The following SPIDR variants were observed in gnomAD, a reference collection of about 807,000 sequenced individuals.
The protein encoded by SPIDR is DNA repair-scaffolding protein.
A neutral mutation model predicts 104.6 loss-of-function variants in SPIDR; 93 were observed. The ratio of observed to expected loss-of-function variants is 0.89; its 90% CI spans 0.75 to 1.06. SPIDR has a LOEUF of 1.06. Ranked by LOEUF, SPIDR falls within the 50% of genes least tolerant of loss-of-function variation. The probability of loss-of-function intolerance (pLI) is 0.00; values close to 1 mark genes in which losing one functional copy is unlikely to be tolerated. For synonymous variants in SPIDR, 431 were observed against 416.9 expected (o/e 1.03, Z -0.41); for missense variants, 1,154 against 1,111.2 (o/e 1.04, Z -0.55).
chr8:47,345,479 C>CT (rs1332422388), intron 5 of SPIDR, among the ~76,000 whole-genome samples: 1 of 151,974 alleles, frequency 6.6e-6, no homozygotes, highest in Non-Finnish European at 1.5e-5. Flanking sequence ...CGCTAAAACA[C>CT]TTTTTTTCAA....
rs141977045 is a variant in SPIDR at position 47,424,179 on chromosome 8, C to T, written c.878-16144C>T. Among the ~76,000 whole-genome samples, 83 of 152,282 alleles carry T rather than the reference C, an allele frequency of 5.5e-4. 1 individual carries two copies. In the East Asian group the frequency reaches 0.016, roughly 29 times the overall value. ...GGGCAGGTCTGGGCAGAACTGAGTTCAGGAGATGTGAGTGCAGCAGTGGTT... is the reference window on the plus strand; with the variant it reads ...GGGCAGGTCTGGGCAGAACTGAGTTTAGGAGATGTGAGTGCAGCAGTGGTT... On this transcript the variant is annotated intron_variant, in intron 7 of 19. Coordinates refer to ENST00000297423, the MANE Select transcript of SPIDR (RefSeq NM_001080394.4).
At chr8:47,361,007 A>T in intron 5 of SPIDR, 4 of 973,170 alleles carry the variant, frequency 4.1e-6, no homozygotes, top group Non-Finnish European at 4.9e-6. Context: ...TTTTAATATT[A>T]AAAATAAATA....
At chr8:47,335,635 A>C (rs1587205505) in intron 5 of SPIDR, among the ~76,000 whole-genome samples, 1 of 151,996 alleles carries the variant, frequency 6.6e-6, no homozygotes, top group Admixed American at 6.6e-5. Flanking sequence ...ATTTTTAGTA[A>C]AGACGGGGTT....
At chr8:47,688,522 A>G (rs1267691323) in intron 11 of SPIDR, 1 of 152,262 alleles carries the variant, frequency 6.6e-6, no homozygotes, top group Non-Finnish European at 1.5e-5. Flanking sequence ...GAAACAACAT[A>G]GTTTTAAACC....
intron 5 of SPIDR, among the ~76,000 whole-genome samples, chr8:47,312,308 A>G (rs1229913315): frequency 1.5e-4 from 23 of 152,168 alleles, no homozygotes; most frequent in Non-Finnish European, 2.5e-4. Context: ...GACTTCCACA[A>G]TGGTTGAACT....
intron 10 of SPIDR, among the ~76,000 whole-genome samples, chr8:47,652,147 A>C (rs1026072457): frequency 6.6e-6 from 1 of 152,248 alleles, no homozygotes; most frequent in Non-Finnish European, 1.5e-5. Flanking sequence ...CAGAAATTAA[A>C]TAAAAACTTT....
At chr8:47,449,762 A>G (rs1323879282) in intron 8 of SPIDR, among the ~76,000 whole-genome samples, 1 of 152,230 alleles carries the variant, frequency 6.6e-6, no homozygotes, top group Non-Finnish European at 1.5e-5. Flanking sequence ...GAAGGCAGTC[A>G]TTTATTCTAC....
intron 8 of SPIDR, among the ~76,000 whole-genome samples, chr8:47,443,775 T>C (rs1422394835): frequency 6.6e-6 from 1 of 151,956 alleles, no homozygotes; most frequent in African/African-American, 2.4e-5. Flanking sequence ...GCACAGTTTT[T>C]TAAAAGAATC....
At chr8:47,363,499 TTA>T (rs1491270948) in intron 5 of SPIDR, among the ~76,000 whole-genome samples, 19 of 101,476 alleles carry the variant, frequency 1.9e-4, no homozygotes, top group African/African-American at 4.3e-4. Context: ...CCAACCTTTT[TTA>T]AAAAAAAAAA....
chr8:47,324,597 C>G (rs1554599200), intron 5 of SPIDR, among the ~76,000 whole-genome samples: 1 of 152,078 alleles, frequency 6.6e-6, no homozygotes, highest in Non-Finnish European at 1.5e-5. Context: ...ACCTATATTA[C>G]TAATAATATT....
At chr8:47,596,553 G>A (rs1352178096) in intron 9 of SPIDR, among the ~76,000 whole-genome samples, 1 of 152,190 alleles carries the variant, frequency 6.6e-6, no homozygotes, top group Non-Finnish European at 1.5e-5. Context: ...CCGTAGAACT[G>A]GAAGTTGCTC....
chr8:47,684,126 CAAAAAAAAA>C (rs748328609), intron 11 of SPIDR, among the ~76,000 whole-genome samples: 4 of 38,148 alleles, frequency 1.0e-4, no homozygotes, highest in African/African-American at 3.2e-4. Context: ...GACTCTGTCT[CAAAAAAAAA>C]AAAAAAAAAA....
intron 7 of SPIDR, among the ~76,000 whole-genome samples, chr8:47,434,833 CTTGAG>C (rs2067992493): frequency 6.6e-6 from 1 of 152,164 alleles, no homozygotes; most frequent in African/African-American, 2.4e-5. Flanking sequence ...CTTAGGAAGA[CTTGAG>C]TTGACGTGAG....
At chr8:47,504,510 A>G (rs985408344) in intron 8 of SPIDR, among the ~76,000 whole-genome samples, 3 of 151,998 alleles carry the variant, frequency 2.0e-5, no homozygotes, top group Admixed American at 1.3e-4. Flanking sequence ...ACTTCTCTGC[A>G]TTGGTTATTC....
chr8:47,309,889 A>T (rs1452465187), intron 5 of SPIDR, among the ~76,000 whole-genome samples: 1 of 151,732 alleles, frequency 6.6e-6, no homozygotes, highest in African/African-American at 2.4e-5. Flanking sequence ...ACCAAAAAAA[A>T]TTAGCCGGAC....
At chr8:47,463,992 A>G (rs886541471) in intron 8 of SPIDR, among the ~76,000 whole-genome samples, 3 of 152,178 alleles carry the variant, frequency 2.0e-5, no homozygotes, top group African/African-American at 4.8e-5. Context: ...AGATAGTATT[A>G]GAAGTTCTGA....
At chr8:47,483,703 T>C (rs1459523800) in intron 8 of SPIDR, among the ~76,000 whole-genome samples, 1 of 152,196 alleles carries the variant, frequency 6.6e-6, no homozygotes, top group East Asian at 1.9e-4. Context: ...AAGATCCCTT[T>C]ATATTTGATT....
chr8:47,699,680 G>A (rs568245214), intron 11 of SPIDR, among the ~76,000 whole-genome samples: 16 of 152,162 alleles, frequency 1.1e-4, no homozygotes, highest in African/African-American at 2.2e-4. Flanking sequence ...TCAACCTCCC[G>A]AGTAGCTGGG....
chr8:47,611,399 GT>G (rs2063582529), intron 10 of SPIDR, among the ~76,000 whole-genome samples: 2 of 152,178 alleles, frequency 1.3e-5, no homozygotes, highest in South Asian at 4.2e-4. Context: ...GGGTGAAGAT[GT>G]TTATAAAGAA....
Sources: gnomAD v4.1 joint callset for allele counts (sites outside exome capture counted in the v4.1 genomes callset) on GRCh38, gnomAD v4.1.1 for gene constraint, MANE v1.5 for transcripts, NCBI Gene and HGNC (gene_info 2026-07-23, HGNC 2026-07-21) for gene names.